PLA2G4A: variants seen among roughly 807,000 people sequenced by gnomAD.
PLA2G4A encodes the protein cytosolic phospholipase A2.
A neutral mutation model predicts 81.9 loss-of-function variants in PLA2G4A; 40 were observed. The observed-to-expected ratio is 0.49, with a 90% confidence interval of 0.38 to 0.64. The LOEUF is 0.64. Ranked by LOEUF, PLA2G4A falls within the 30% of genes least tolerant of loss-of-function variation. PLA2G4A has a pLI of 0.00. For synonymous variants in PLA2G4A, 302 were observed against 296.9 expected (o/e 1.02, Z -0.18); for missense variants, 715 against 905.1 (o/e 0.79, Z 2.69).
chr1:186,932,637 G>A, intron 7 of PLA2G4A, 126 bp from the exon 8 acceptor site: 2 of 969,810 alleles, frequency 2.1e-6, no homozygotes, highest in Admixed American at 1.7e-5. Flanking sequence ...CATTACTAAA[G>A]TATGAAGTTA....
At chr1:186,977,298 T>A (rs1048559805) in intron 15 of PLA2G4A, among the ~76,000 whole-genome samples, 5 of 152,162 alleles carry the variant, frequency 3.3e-5, no homozygotes, top group Admixed American at 6.6e-5. Flanking sequence ...GAACCCATAA[T>A]TTTTTTTCTC....
Position 186,985,754 on chromosome 1 carries a change from G to T in PLA2G4A, c.2119-2623G>T, listed in dbSNP as rs549931831. Among the ~76,000 whole-genome samples the T allele has an allele frequency of 5.3e-5, 8 of 152,230 alleles. No homozygotes were observed. The South Asian group carries it at 1.0e-3, about 20-fold the overall frequency. ...AAGATGACATGGGATAGGTGGTGAG[G>T]CTGGAGAAGGTTGAGATATGAGGGC... On this transcript the variant is annotated intron_variant, in intron 17 of 17. Transcript: ENST00000367466.
intron 5 of PLA2G4A, among the ~76,000 whole-genome samples, chr1:186,900,335 C>T (rs945863601): frequency 1.3e-5 from 2 of 152,168 alleles, no homozygotes; most frequent in African/African-American, 4.8e-5. Flanking sequence ...ATGCGTAAAA[C>T]ATATTAAGAT....
chr1:186,955,987 G>A (rs111447210), intron 13 of PLA2G4A, 115 bp from the exon 14 acceptor site: 16 of 832,810 alleles, frequency 1.9e-5, no homozygotes, highest in South Asian at 9.6e-5. Context: ...TGATCCGCCC[G>A]CCTTGGCCTC....
chr1:186,832,118 A>G (rs1322915016), intron 1 of PLA2G4A, among the ~76,000 whole-genome samples: 2 of 152,040 alleles, frequency 1.3e-5, no homozygotes, highest in African/African-American at 4.8e-5. Context: ...CTGGCCAATT[A>G]TATCTTGTTG....
intron 13 of PLA2G4A, among the ~76,000 whole-genome samples, chr1:186,953,142 A>G (rs1656623007): frequency 6.6e-6 from 1 of 152,200 alleles, no homozygotes; most frequent in Non-Finnish European, 1.5e-5. Flanking sequence ...AAACTGCCAA[A>G]TGGTCTTCCA....
chr1:186,903,136 C>T (rs1264987012), intron 5 of PLA2G4A, among the ~76,000 whole-genome samples: 1 of 151,744 alleles, frequency 6.6e-6, no homozygotes, highest in East Asian at 1.9e-4. Flanking sequence ...TTATCCTGCA[C>T]AGGTCAAGTA....
intron 3 of PLA2G4A, among the ~76,000 whole-genome samples, chr1:186,883,193 A>G (rs1208806022): frequency 6.6e-6 from 1 of 152,134 alleles, no homozygotes; most frequent in Non-Finnish European, 1.5e-5. Context: ...ATTTATGTGC[A>G]AGGCAGAACT....
At chr1:186,920,746 C>G (rs1285108351) in intron 7 of PLA2G4A, among the ~76,000 whole-genome samples, 1 of 152,216 alleles carries the variant, frequency 6.6e-6, no homozygotes, top group Admixed American at 6.5e-5. Context: ...CAGGGGAATT[C>G]CCCTAAAGGC....
At chr1:186,883,812 C>T (rs1027400461) in intron 3 of PLA2G4A, among the ~76,000 whole-genome samples, 5 of 151,976 alleles carry the variant, frequency 3.3e-5, no homozygotes, top group African/African-American at 9.7e-5. Flanking sequence ...AAGTTAGGTT[C>T]GAGAGAATGA....
intron 3 of PLA2G4A, among the ~76,000 whole-genome samples, chr1:186,873,340 C>A (rs1334972369): frequency 6.6e-6 from 1 of 152,000 alleles, no homozygotes; most frequent in East Asian, 1.9e-4. Context: ...GTTCTTTAAA[C>A]ATAGACAAGA....
At chr1:186,912,729 T>C (rs1654993150) in intron 7 of PLA2G4A, among the ~76,000 whole-genome samples, 1 of 144,288 alleles carries the variant, frequency 6.9e-6, no homozygotes, top group African/African-American at 2.6e-5. Flanking sequence ...TATTTATATA[T>C]ACATATATAT....
At chr1:186,869,242 G>C (rs899156332) in intron 2 of PLA2G4A, among the ~76,000 whole-genome samples, 1 of 151,944 alleles carries the variant, frequency 6.6e-6, no homozygotes, top group East Asian at 1.9e-4. Context: ...ATTTCATTTA[G>C]TTTCAAATAT....
chr1:186,829,853 C>CTCA (rs1474313715), intron 1 of PLA2G4A, among the ~76,000 whole-genome samples: 1 of 152,106 alleles, frequency 6.6e-6, no homozygotes, highest in Non-Finnish European at 1.5e-5. Flanking sequence ...AGAAATACTC[C>CTCA]TCATATGGGT....
rs1225277495 is a variant in PLA2G4A, at chr1:186,946,624, A to T, written c.1034-13A>T. The T allele has an allele frequency of 6.3e-7, 1 of 1,598,354 alleles. No individual in the cohort carries two copies. Among genetic ancestry groups the T allele is most frequent in the Non-Finnish European group, 8.6e-7 (1 of 1,166,296 alleles). ...CCTATTAATGGATTGCCTTGTTTTTAAAATACTTTCAGATTGGGTTGAATT... is the reference window on the plus strand; with the variant it reads ...CCTATTAATGGATTGCCTTGTTTTTTAAATACTTTCAGATTGGGTTGAATT... On this transcript the variant is annotated splice_polypyrimidine_tract_variant and intron_variant, in intron 10 of 17. Coordinates refer to ENST00000367466, the MANE Select transcript of PLA2G4A (RefSeq NM_024420.3).
chr1:186,921,974 T>C (rs958748214), intron 7 of PLA2G4A, among the ~76,000 whole-genome samples: 2 of 152,182 alleles, frequency 1.3e-5, no homozygotes, highest in Non-Finnish European at 2.9e-5. Context: ...TTCCTTCTGA[T>C]GGCCAACCCA....
chr1:186,880,536 A>G (rs1483243087), intron 3 of PLA2G4A, among the ~76,000 whole-genome samples: 1 of 151,990 alleles, frequency 6.6e-6, no homozygotes, highest in African/African-American at 2.4e-5. Flanking sequence ...ATTGGCATCT[A>G]GCAGCTAGAA....
At chr1:186,829,764 C>T (rs1558337663) in intron 1 of PLA2G4A, among the ~76,000 whole-genome samples, 1 of 152,048 alleles carries the variant, frequency 6.6e-6, no homozygotes, top group Non-Finnish European at 1.5e-5. Flanking sequence ...TTTAAAGTAT[C>T]AGTGGATGAA....
At chr1:186,972,169 T>A (rs1247023437) in intron 15 of PLA2G4A, among the ~76,000 whole-genome samples, 1 of 152,152 alleles carries the variant, frequency 6.6e-6, no homozygotes, top group Non-Finnish European at 1.5e-5. Context: ...CTAATTTATT[T>A]AGATTAGTTA....
Sources: gnomAD v4.1 joint callset for allele counts (sites outside exome capture counted in the v4.1 genomes callset) on GRCh38, gnomAD v4.1.1 for gene constraint, MANE v1.5 for transcripts, NCBI Gene and HGNC (gene_info 2026-07-23, HGNC 2026-07-21) for gene names.